Variants in P2RY8 observed in about 807,000 individuals in gnomAD.
P2RY8 encodes S-geranylgeranyl-glutathione receptor P2RY8.
A neutral mutation model predicts 10.0 loss-of-function variants in P2RY8; 6 were observed. The observed-to-expected ratio is 0.60, with a 90% CI of 0.33 to 1.19. The LOEUF (loss-of-function observed/expected upper bound fraction) is 1.19, where lower values mean the gene tolerates loss of function less well. P2RY8 is among the 50% of genes most tolerant of loss of function. The pLI, the probability that P2RY8 is intolerant of heterozygous loss-of-function variation, is 0.04. For missense variants in P2RY8, 456 were observed against 542.0 expected (o/e 0.84, Z 1.58); for synonymous variants, 276 against 252.5 (o/e 1.09, Z -0.88).
rs1194590778 is a variant in P2RY8 at position 1,465,913 on chromosome X, T to A, written c.646A>T (p.Thr216Ser). 3.7e-6 allele frequency: 6 copies of A among 1,612,412 alleles called. No individual in the cohort carries two copies. Among genetic ancestry groups the A allele is most frequent in the Non-Finnish European group, 5.1e-6 (6 of 1,179,758 alleles). ...TCCGTGCGCAACAGCTTGAGGATGG[T>A]GGCCGTGTAACAAGCCACGGTGATC... The part of the protein sequence containing the change: ...FVITVACYTA[T>S]ILKLLRTEEA... The change falls in exon 2 of 2, where the codon ACC becomes TCC. Residue 216 changes from threonine (T) to serine (S), a missense_variant. By Grantham distance (58) the Thr-to-Ser change is moderately conservative. Transcript: ENST00000381297.
In P2RY8 at chrX:1,465,450, C is replaced by T. The variant is rs1279361636; in HGVS notation, c.*29G>A. On this transcript the variant is annotated 3_prime_UTR_variant, in exon 2 of 2. Transcript: ENST00000381297. ...CGCCCCTGGATCTCCAAGCTGCGCC[C>T]CCGGCTCTCCAAGCTGCGCCCCCGG... 3 of 1,572,084 alleles carry T rather than the reference C, an allele frequency of 1.9e-6. No individual in the cohort carries two copies. The highest frequency in any genetic ancestry group is 4.5e-5 in the East Asian group (2 of 44,500).
intron 1 of P2RY8, among the ~76,000 whole-genome samples, chrX:1,476,776 G>A (rs2091879115): frequency 6.6e-6 from 1 of 152,046 alleles, no homozygotes; most frequent in East Asian, 1.9e-4. Flanking sequence ...GGATCTGGTG[G>A]GTGGAGCCCA....
At chrX:1,489,600 A>T (rs1397164400) in intron 1 of P2RY8, among the ~76,000 whole-genome samples, 2 of 152,108 alleles carry the variant, frequency 1.3e-5, no homozygotes, top group Admixed American at 1.3e-4. Context: ...TTCCCTGCAA[A>T]TGTGGAGGGA....
At chrX:1,474,597 TGGATGGA>T (rs2091853357) in intron 1 of P2RY8, among the ~76,000 whole-genome samples, 1 of 142,040 alleles carries the variant, frequency 7.0e-6, no homozygotes, top group Non-Finnish European at 1.5e-5. Flanking sequence ...GATGGATGGA[TGGATGGA>T]TGGATAAGTG....
chrX:1,524,636 T>C (rs2092422905), intron 1 of P2RY8, among the ~76,000 whole-genome samples: 1 of 98,818 alleles, frequency 1.0e-5, no homozygotes, highest in African/African-American at 4.1e-5. Flanking sequence ...CATCCATCCA[T>C]CCATCCATAC....
At chrX:1,497,640 G>A (rs867040879) in intron 1 of P2RY8, among the ~76,000 whole-genome samples, 2 of 27,684 alleles carry the variant, frequency 7.2e-5, no homozygotes, top group South Asian at 8.6e-4. Context: ...CCTGGGTGAC[G>A]AGTAAACTCT....
chrX:1,507,734 G>C (rs1263380782), intron 1 of P2RY8, among the ~76,000 whole-genome samples: 2 of 152,138 alleles, frequency 1.3e-5, no homozygotes, highest in Non-Finnish European at 2.9e-5. Context: ...GCTTCATGTT[G>C]AGTTTGAGCC....
intron 1 of P2RY8, among the ~76,000 whole-genome samples, chrX:1,509,416 T>C (rs1224152604): frequency 3.2e-5 from 3 of 92,740 alleles, no homozygotes; most frequent in Non-Finnish European, 4.4e-5. Flanking sequence ...ATCTATCTAT[T>C]TCTATTATCT....
In P2RY8 at chrX:1,465,944, C is replaced by T; in HGVS notation, c.615G>A (p.Pro205=). 1.9e-6 allele frequency: 3 copies of T among 1,612,458 alleles called. 1 individual carries two copies. In the South Asian group the frequency reaches 3.3e-5, roughly 18 times the overall value. Residue 205 remains proline (P), a synonymous_variant, in exon 2 of 2, where the codon CCG becomes CCA. Coordinates refer to ENST00000381297, the MANE Select transcript of P2RY8 (RefSeq NM_178129.5). Reference sequence around the variant, plus strand: ...TGTAACAAGCCACGGTGATCACGAACGGGATGAGGAACAGCAGGATGAAGA... The same window carrying T: ...TGTAACAAGCCACGGTGATCACGAATGGGATGAGGAACAGCAGGATGAAGA... ...FTIFILLFLI[P]FVITVACYTA...
chrX:1,529,953 G>A (rs1421139501), intron 1 of P2RY8, among the ~76,000 whole-genome samples: 5 of 151,938 alleles, frequency 3.3e-5, no homozygotes, highest in African/African-American at 1.2e-4. Context: ...TCCCGGGGAT[G>A]CTTCTCAATA....
intron 1 of P2RY8, among the ~76,000 whole-genome samples, chrX:1,468,627 G>C (rs1238124856): frequency 6.6e-6 from 1 of 151,888 alleles, no homozygotes; most frequent in Non-Finnish European, 1.5e-5. Context: ...GCGGTGTCTG[G>C]CCTGCAGAGG....
chrX:1,523,595 T>G (rs1252043158), intron 1 of P2RY8, among the ~76,000 whole-genome samples: 1 of 152,090 alleles, frequency 6.6e-6, no homozygotes, highest in Non-Finnish European at 1.5e-5. Flanking sequence ...CATAAAAATG[T>G]ATTGGAAGTA....
intron 1 of P2RY8, among the ~76,000 whole-genome samples, chrX:1,511,820 A>C (rs552903525): frequency 5.3e-5 from 8 of 152,268 alleles, no homozygotes; most frequent in African/African-American, 1.9e-4. Context: ...CTGTTGTCTG[A>C]GAGTTCTTCC....
intron 1 of P2RY8, among the ~76,000 whole-genome samples, chrX:1,533,881 T>A (rs1388569652): frequency 8.2e-6 from 1 of 122,694 alleles, no homozygotes; most frequent in Non-Finnish European, 1.6e-5. Context: ...TTATTATTTA[T>A]ATATTATATA....
At position 1,489,494 on chromosome X, in the gene P2RY8, C is replaced by T. The variant is rs1238158101; in HGVS notation, c.-24-22912G>A. 3.3e-5 allele frequency among the ~76,000 whole-genome samples: 5 copies of T among 151,736 alleles called. No homozygotes were observed. In the South Asian group the frequency reaches 6.3e-4, roughly 19 times the overall value. Reference sequence around the variant, plus strand: ...GGAGAGAATGAATGAATGAATGACACCTAAGGATTCCTCACAAATGTGGAG... The same window carrying T: ...GGAGAGAATGAATGAATGAATGACATCTAAGGATTCCTCACAAATGTGGAG... On this transcript the variant is annotated intron_variant, in intron 1 of 1. Transcript: ENST00000381297.
At chrX:1,476,317 C>G (rs1203843242) in intron 1 of P2RY8, among the ~76,000 whole-genome samples, 7 of 151,996 alleles carry the variant, frequency 4.6e-5, no homozygotes, top group African/African-American at 1.7e-4. Flanking sequence ...TGGCTCATGT[C>G]TGTAATCCCA....
chrX:1,508,681 T>TCATC lies in P2RY8; in HGVS notation c.-25+28236_-25+28239dup, dbSNP rs1335828050. Among the ~76,000 whole-genome samples the TCATC allele has an allele frequency of 1.1e-4, 9 of 79,348 alleles. 1 individual carries two copies. The highest frequency in any genetic ancestry group is 3.4e-4 in the South Asian group (1 of 2,958). 52.1% of individuals were successfully genotyped at this position (79,348 alleles called of 152,430 possible). A position where few individuals can be genotyped will look rare whatever the true frequency, so the allele number is the denominator to read the frequency against. ...TATCCTGTATGTATTTATCTATCCA[T>TCATC]CATCCATCCATCCATCCATCCATTC... On this transcript the variant is annotated intron_variant, in intron 1 of 1. Coordinates refer to ENST00000381297, the MANE Select transcript of P2RY8 (RefSeq NM_178129.5).
chrX:1,521,343 G>A (rs2092390151), intron 1 of P2RY8, among the ~76,000 whole-genome samples: 2 of 151,954 alleles, frequency 1.3e-5, no homozygotes, highest in South Asian at 2.1e-4. Context: ...ACCGCGCCCG[G>A]CCTTTATCCT....
intron 1 of P2RY8, among the ~76,000 whole-genome samples, chrX:1,508,831 A>G (rs1197190359): frequency 1.4e-5 from 2 of 139,042 alleles, no homozygotes; most frequent in South Asian, 2.3e-4. Flanking sequence ...GCATCCATCC[A>G]TCCATCCCTC....
Sources: gnomAD v4.1 joint callset for allele counts (sites outside exome capture counted in the v4.1 genomes callset) on GRCh38, gnomAD v4.1.1 for gene constraint, MANE v1.5 for transcripts, NCBI Gene and HGNC (gene_info 2026-07-23, HGNC 2026-07-21) for gene names.